Variants in SAMD12 observed in about 807,000 individuals in gnomAD.
SAMD12 encodes sterile alpha motif domain containing 12, also known as sterile alpha motif domain-containing protein 12.
In SAMD12, 9 loss-of-function variants were observed where a neutral mutation model predicts 15.0. The observed-to-expected ratio is 0.60, with a 90% CI of 0.36 to 1.05. The LOEUF is 1.05. Ranked by LOEUF, SAMD12 falls within the 50% of genes least tolerant of loss-of-function variation. The probability of loss-of-function intolerance (pLI) is 0.01; values close to 1 mark genes in which losing one functional copy is unlikely to be tolerated. For missense variants in SAMD12, 230 were observed against 234.2 expected, an observed-to-expected ratio of 0.98 and a Z score of 0.12; for synonymous variants, 86 against 90.1, an observed-to-expected ratio of 0.96 and a Z score of 0.25.
chr8:118,181,053 T>G, the SAMD12 span, among the ~76,000 whole-genome samples: 1 of 148,564 alleles, frequency 6.7e-6, no homozygotes, highest in African/African-American at 2.5e-5. Flanking sequence ...TTGTATTAAA[T>G]TTTTTTTTTT....
intron 2 of SAMD12, among the ~76,000 whole-genome samples, chr8:118,571,714 A>G (rs935580333): frequency 9.2e-5 from 14 of 152,244 alleles, no homozygotes; most frequent in Non-Finnish European, 1.3e-4. Flanking sequence ...AGAGCCTGCC[A>G]GTACACAGGA....
At chr8:118,278,673 C>T (rs1435078688) in intron 4 of SAMD12, among the ~76,000 whole-genome samples, 2 of 152,152 alleles carry the variant, frequency 1.3e-5, no homozygotes, top group Admixed American at 6.5e-5. Context: ...ATACCTAGAG[C>T]CAGCCCACTC....
At chr8:118,455,595 G>A (rs557847535) in intron 2 of SAMD12, among the ~76,000 whole-genome samples, 1 of 152,186 alleles carries the variant, frequency 6.6e-6, no homozygotes, top group African/African-American at 2.4e-5. Flanking sequence ...TGACTCTCAA[G>A]TTTATTATTC....
chr8:118,156,202 A>C, the SAMD12 span, among the ~76,000 whole-genome samples: 1 of 152,328 alleles, frequency 6.6e-6, no homozygotes, highest in South Asian at 2.1e-4. Context: ...AAAAAGACCC[A>C]CTGAGAGCAA....
chr8:118,400,063 T>C (rs778245994), intron 3 of SAMD12, among the ~76,000 whole-genome samples: 24 of 152,228 alleles, frequency 1.6e-4, no homozygotes, highest in Admixed American at 2.0e-4. Context: ...ATGAGCACTA[T>C]ATAATCACAG....
intron 4 of SAMD12, among the ~76,000 whole-genome samples, chr8:118,342,107 T>A (rs987621396): frequency 6.6e-6 from 1 of 152,114 alleles, no homozygotes; most frequent in African/African-American, 2.4e-5. Flanking sequence ...CCGGCCAACA[T>A]GGCAAAACCC....
chr8:118,582,445 A>G (rs1334968605), intron 1 of SAMD12, among the ~76,000 whole-genome samples: 4 of 152,168 alleles, frequency 2.6e-5, no homozygotes, highest in Non-Finnish European at 5.9e-5. Context: ...TAAAAAAACA[A>G]ACTGATTGCA....
chr8:118,142,263 A>T, the SAMD12 span, among the ~76,000 whole-genome samples: 1,317 of 152,282 alleles, frequency 8.6e-3, 24 homozygotes, highest in African/African-American at 0.03. Flanking sequence ...AAATGACATT[A>T]ACCTTTTAAG....
At chr8:118,559,370 A>G (rs1030709466) in intron 2 of SAMD12, among the ~76,000 whole-genome samples, 1 of 152,200 alleles carries the variant, frequency 6.6e-6, no homozygotes, top group African/African-American at 2.4e-5. Flanking sequence ...CCCACCTCCA[A>G]CCACAAATGA....
chr8:118,164,073 G>A, the SAMD12 span, among the ~76,000 whole-genome samples: 1 of 152,146 alleles, frequency 6.6e-6, no homozygotes, highest in South Asian at 2.1e-4. Context: ...AAGAAGAGGA[G>A]GAGGACAACC....
chr8:118,476,485 A>G (rs1563883582), intron 2 of SAMD12, among the ~76,000 whole-genome samples: 2 of 152,214 alleles, frequency 1.3e-5, no homozygotes, highest in Admixed American at 6.5e-5. Context: ...ATCCAAGTAG[A>G]GTCTAGTCCA....
chr8:118,485,463 C>G (rs1824249864), intron 2 of SAMD12, among the ~76,000 whole-genome samples: 1 of 152,190 alleles, frequency 6.6e-6, no homozygotes, highest in Admixed American at 6.5e-5. Context: ...TATTCCATAG[C>G]TTTCCTAAAT....
chr8:118,185,062 C>T (rs909300429), downstream of SAMD12, among the ~76,000 whole-genome samples: 11 of 152,014 alleles, frequency 7.2e-5, no homozygotes, highest in African/African-American at 2.2e-4. Context: ...TGTATCATTG[C>T]TCTAATTGTG....
chr8:118,497,073 T>G (rs1586763940), intron 2 of SAMD12, among the ~76,000 whole-genome samples: 1 of 152,150 alleles, frequency 6.6e-6, no homozygotes, highest in African/African-American at 2.4e-5. Flanking sequence ...AAATAACAGA[T>G]GTTGGCGACA....
At chr8:118,518,054 T>C (rs978456260) in intron 2 of SAMD12, among the ~76,000 whole-genome samples, 5 of 152,214 alleles carry the variant, frequency 3.3e-5, no homozygotes, top group African/African-American at 1.2e-4. Context: ...TATCTTTCAA[T>C]AGTTTTGACA....
intron 4 of SAMD12, among the ~76,000 whole-genome samples, chr8:118,331,243 A>G (rs1816793458): frequency 6.6e-6 from 1 of 152,214 alleles, no homozygotes; most frequent in East Asian, 1.9e-4. Flanking sequence ...CTTAGTATAC[A>G]CAGCAGATGC....
At chr8:118,393,404 T>TA (rs1199634857) in intron 3 of SAMD12, among the ~76,000 whole-genome samples, 11 of 132,166 alleles carry the variant, frequency 8.3e-5, no homozygotes, top group African/African-American at 2.0e-4. Flanking sequence ...ATATATATAT[T>TA]TTGATTTTTT....
At chr8:118,132,988 A>AT in the SAMD12 span, among the ~76,000 whole-genome samples, 106 of 67,436 alleles carry the variant, frequency 1.6e-3, no homozygotes, top group Middle Eastern at 0.029. Flanking sequence ...ATATATATAT[A>AT]TATATATATA....
At chr8:118,241,500 C>T (rs1048009975) in intron 4 of SAMD12, among the ~76,000 whole-genome samples, 41 of 152,140 alleles carry the variant, frequency 2.7e-4, no homozygotes, top group African/African-American at 9.9e-4. Flanking sequence ...TTTGATGTGA[C>T]TATCTTCTTA....
Sources: allele counts gnomAD v4.1 joint callset (sites outside exome capture counted in the v4.1 genomes callset), GRCh38; gene constraint gnomAD v4.1.1; transcripts MANE v1.5; gene names NCBI Gene and HGNC (gene_info 2026-07-23, HGNC 2026-07-21).